Variants in KLHL2 observed in about 807,000 individuals in gnomAD.
The protein encoded by KLHL2 is kelch like family member 2.
In KLHL2, 15 loss-of-function variants were observed where a neutral mutation model predicts 75.8. The ratio of observed to expected loss-of-function variants is 0.20; its 90% CI spans 0.13 to 0.30. KLHL2 has a LOEUF of 0.30. KLHL2 is among the 10% of genes least tolerant of loss of function. The pLI is 1.00. For synonymous variants in KLHL2, 214 were observed against 251.9 expected (o/e 0.85, Z 1.42); for missense variants, 381 against 741.0 (o/e 0.51, Z 5.64).
At chr4:165,235,419 T>C (rs1291752120) in intron 3 of KLHL2, among the ~76,000 whole-genome samples, 4 of 152,190 alleles carry the variant, frequency 2.6e-5, no homozygotes, top group Non-Finnish European at 5.9e-5. Flanking sequence ...CAGGCTGGTG[T>C]TGGACTCCTG....
intron 2 of KLHL2, among the ~76,000 whole-genome samples, chr4:165,223,763 C>G (rs1297289292): frequency 6.6e-6 from 1 of 152,092 alleles, no homozygotes; most frequent in African/African-American, 2.4e-5. Flanking sequence ...GATCTTAACT[C>G]TAAATTTCCC....
intron 5 of KLHL2, chr4:165,278,141 G>T (rs1743300708): frequency 2.0e-6 from 3 of 1,521,240 alleles, no homozygotes; most frequent in East Asian, 4.5e-5. Flanking sequence ...TTTCTTCCAT[G>T]TAGAATAACG....
intron 4 of KLHL2, among the ~76,000 whole-genome samples, chr4:165,251,844 C>G (rs1198144388): frequency 1.3e-5 from 2 of 151,894 alleles, no homozygotes; most frequent in East Asian, 3.9e-4. Context: ...CTCCTGACCT[C>G]GTGATCCGCC....
intron 5 of KLHL2, chr4:165,278,789 A>G (rs1243505307): frequency 4.5e-6 from 7 of 1,541,418 alleles, no homozygotes; most frequent in Non-Finnish European, 6.3e-6. Flanking sequence ...TGTATTACAT[A>G]GTAAGAAACA....
intron 2 of KLHL2, among the ~76,000 whole-genome samples, chr4:165,220,495 G>A (rs1192260306): frequency 2.0e-5 from 3 of 152,112 alleles, no homozygotes; most frequent in East Asian, 1.9e-4. Context: ...CAGGGCAGGA[G>A]GATCACTTGA....
intron 5 of KLHL2, among the ~76,000 whole-genome samples, chr4:165,290,223 G>A (rs929067673): frequency 2.0e-5 from 3 of 151,876 alleles, no homozygotes; most frequent in Admixed American, 2.0e-4. Context: ...GCTCACTGTA[G>A]CCTTGACCTC....
intron 5 of KLHL2, among the ~76,000 whole-genome samples, chr4:165,276,683 A>G (rs1743142642): frequency 6.6e-6 from 1 of 152,170 alleles, no homozygotes; most frequent in Admixed American, 6.5e-5. Context: ...TTCAGTTATA[A>G]TAAGATACTA....
chr4:165,244,741 T>C (rs964234234), intron 4 of KLHL2, among the ~76,000 whole-genome samples: 1 of 152,192 alleles, frequency 6.6e-6, no homozygotes, highest in African/African-American at 2.4e-5. Flanking sequence ...AAATGCCATG[T>C]GACCTTGCCT....
chr4:165,289,905 T>C (rs11726531), intron 5 of KLHL2, among the ~76,000 whole-genome samples: 71,668 of 151,974 alleles, frequency 0.47, 17,840 homozygotes, highest in African/African-American at 0.61. Context: ...TCTCTTGCTT[T>C]GATTCAGATT....
At chr4:165,230,173 A>T (rs1441978363) in intron 3 of KLHL2, among the ~76,000 whole-genome samples, 1 of 152,192 alleles carries the variant, frequency 6.6e-6, no homozygotes, top group East Asian at 1.9e-4. Context: ...TTTTCTAGAG[A>T]GAGAGAGTCT....
intron 7 of KLHL2, 92 bp from the exon 8 acceptor site, chr4:165,299,415 T>C: frequency 8.6e-7 from 1 of 1,169,142 alleles, no homozygotes; most frequent in Non-Finnish European, 1.2e-6. Context: ...ATATAGTTAC[T>C]GCTTTTTTCC....
At chr4:165,233,525 A>G (rs1739082638) in intron 3 of KLHL2, among the ~76,000 whole-genome samples, 1 of 152,164 alleles carries the variant, frequency 6.6e-6, no homozygotes, top group African/African-American at 2.4e-5. Context: ...ATAGGAAAAG[A>G]CAGATTATTG....
rs1742916135 is a variant in KLHL2 at position 165,274,384 on chromosome 4, C to A, written c.544+11025C>A. Among the ~76,000 whole-genome samples the A allele has an allele frequency of 3.3e-5, 5 of 152,008 alleles. 1 individual carries two copies. The South Asian group carries it at 1.0e-3, about 32-fold the overall frequency. On this transcript the variant is annotated intron_variant, in intron 5 of 14. Transcript: ENST00000226725. The stretch of plus-strand genomic sequence containing the variant: ...CAGCACTTTGGGAGGCCGAGGCAGG[C>A]AGATCATGAGGTCATGAGATCGAGA...
intron 4 of KLHL2, chr4:165,240,337 C>G (rs1739713778): frequency 6.6e-6 from 1 of 152,212 alleles, no homozygotes; most frequent in Non-Finnish European, 1.5e-5. Flanking sequence ...AATTCGGAGA[C>G]TGAAATCTTT....
chr4:165,220,479 A>T (rs1578978260), intron 2 of KLHL2, among the ~76,000 whole-genome samples: 2 of 152,238 alleles, frequency 1.3e-5, no homozygotes, highest in South Asian at 4.1e-4. Flanking sequence ...CAGCACTTTG[A>T]GAGGCCAGGG....
chr4:165,294,540 A>G, intron 6 of KLHL2, 72 bp downstream of exon 6: 1 of 767,976 alleles, frequency 1.3e-6, no homozygotes, highest in South Asian at 1.8e-5. Flanking sequence ...ACTTTTTTTT[A>G]TAGCTTTGTG....
chr4:165,210,655 G>T (rs1182655604), intron 1 of KLHL2, among the ~76,000 whole-genome samples: 1 of 152,174 alleles, frequency 6.6e-6, no homozygotes, highest in Non-Finnish European at 1.5e-5. Context: ...GGAATTTCAG[G>T]TAGTAAATTG....
chr4:165,293,627 CTGAG>C (rs1744684173), intron 5 of KLHL2, among the ~76,000 whole-genome samples: 1 of 151,462 alleles, frequency 6.6e-6, no homozygotes, highest in East Asian at 1.9e-4. Flanking sequence ...CCTCAGCCTC[CTGAG>C]TAACTGGGAC....
chr4:165,282,735 T>C lies in KLHL2; in HGVS notation c.545-11624T>C, dbSNP rs191869019. 1.2e-4 allele frequency among the ~76,000 whole-genome samples: 16 copies of C among 135,982 alleles called. 1 individual carries two copies. The highest frequency in any genetic ancestry group is 5.6e-4 in the Admixed American group (8 of 14,262). The allele number at this position is 135,982 out of a possible 152,430, so 89.2% of individuals were successfully genotyped here. Reference sequence around the variant, plus strand: ...AGAGACAGATTAATCTTGTTCAGTTTATTGTGGTGGCAGAATTATCAGTGT... The same window carrying C: ...AGAGACAGATTAATCTTGTTCAGTTCATTGTGGTGGCAGAATTATCAGTGT... On this transcript the variant is annotated intron_variant, in intron 5 of 14. Coordinates refer to ENST00000226725, the MANE Select transcript of KLHL2 (RefSeq NM_007246.4).
Sources: gnomAD v4.1 joint callset for allele counts (sites outside exome capture counted in the v4.1 genomes callset) on GRCh38, gnomAD v4.1.1 for gene constraint, MANE v1.5 for transcripts, NCBI Gene and HGNC (gene_info 2026-07-23, HGNC 2026-07-21) for gene names.